AGBL4: variants seen among roughly 807,000 people sequenced by gnomAD.
AGBL4 encodes cytosolic carboxypeptidase 6.
In AGBL4, 58 loss-of-function variants were observed where a neutral mutation model predicts 66.4. That is an observed-to-expected ratio of 0.87 (90% confidence interval 0.71 to 1.09). The LOEUF (loss-of-function observed/expected upper bound fraction) is 1.09, where lower values mean the gene tolerates loss of function less well. Among genes scored for constraint, AGBL4 ranks in the 50% least tolerant of loss-of-function variants. AGBL4 has a pLI of 0.00. For synonymous variants in AGBL4, 234 were observed against 222.9 expected (o/e 1.05, Z -0.44); for missense variants, 579 against 631.0 (o/e 0.92, Z 0.88).
intron 3 of AGBL4, among the ~76,000 whole-genome samples, chr1:49,258,976 G>C (rs2148355111): frequency 6.6e-6 from 1 of 152,276 alleles, no homozygotes; most frequent in East Asian, 1.9e-4. Flanking sequence ...AACTCTACAA[G>C]CCAGAAGAGA....
chr1:49,216,904 T>C (rs1190641535), intron 4 of AGBL4, among the ~76,000 whole-genome samples: 2 of 152,148 alleles, frequency 1.3e-5, no homozygotes, highest in Admixed American at 6.6e-5. Flanking sequence ...CCACTTGCAA[T>C]AACCGTATGG....
At chr1:49,988,094 C>T (rs879346030) in intron 1 of AGBL4, among the ~76,000 whole-genome samples, 3 of 151,898 alleles carry the variant, frequency 2.0e-5, no homozygotes, top group Non-Finnish European at 2.9e-5. Context: ...ATTTAGCTTG[C>T]TTAAAACAGT....
At chr1:49,264,135 TAGAA>T (rs1320810647) in intron 3 of AGBL4, among the ~76,000 whole-genome samples, 1 of 152,066 alleles carries the variant, frequency 6.6e-6, no homozygotes, top group African/African-American at 2.4e-5. Flanking sequence ...TAACTTCTGA[TAGAA>T]AGAAAGAGGT....
In AGBL4 at chr1:48,736,034, C is replaced by T. The variant is rs1032676398; in HGVS notation, c.635-72793G>A. 3.9e-5 allele frequency among the ~76,000 whole-genome samples: 6 copies of T among 152,214 alleles called. No homozygotes were observed. Among genetic ancestry groups the T allele is most frequent in the Non-Finnish European group, 5.9e-5 (4 of 68,036 alleles). On this transcript the variant is annotated intron_variant, in intron 6 of 13. Coordinates refer to ENST00000371839, the MANE Select transcript of AGBL4 (RefSeq NM_032785.4). This position sits in a 1 kb window ranked among gnomAD's most constrained non-coding sequence, Gnocchi z 4.0. Reference sequence around the variant, plus strand: ...ATGCTAATTCCTTGTGGAATATAATCGTACTTGTGTCCACAGCTCATCTGC... The same window carrying T: ...ATGCTAATTCCTTGTGGAATATAATTGTACTTGTGTCCACAGCTCATCTGC...
intron 3 of AGBL4, among the ~76,000 whole-genome samples, chr1:49,302,600 ATT>A (rs1230921920): frequency 9.5e-5 from 12 of 126,206 alleles, no homozygotes; most frequent in South Asian, 2.6e-4. Flanking sequence ...TTTATATTTT[ATT>A]TTATTTTTTT....
chr1:48,797,124 A>G (rs758673596), intron 6 of AGBL4, among the ~76,000 whole-genome samples: 1 of 152,252 alleles, frequency 6.6e-6, no homozygotes, highest in Non-Finnish European at 1.5e-5. Context: ...CTTACTGAAT[A>G]TAGTAGTAAA....
chr1:49,232,003 G>C (rs535211276), intron 4 of AGBL4, among the ~76,000 whole-genome samples: 27 of 152,136 alleles, frequency 1.8e-4, no homozygotes, highest in Non-Finnish European at 2.8e-4. Flanking sequence ...ATTAAATGCA[G>C]TTTTGACTTC....
At position 49,362,338 on chromosome 1, in the gene AGBL4, G is replaced by C. The variant is rs1644154881; in HGVS notation, c.283-116474C>G. Among the ~76,000 whole-genome samples the C allele has an allele frequency of 2.7e-5, 4 of 149,346 alleles. No individual in the cohort carries two copies. In the South Asian group the frequency reaches 8.6e-4, roughly 32 times the overall value. ...CAAATTTATAATGCAGAAGCAAGAA[G>C]TAAGCATCAGTATCTATGTTCCCAT... On this transcript the variant is annotated intron_variant, in intron 3 of 13. Transcript: ENST00000371839.
chr1:49,110,710 A>G (rs1423537719), intron 4 of AGBL4, among the ~76,000 whole-genome samples: 1 of 151,804 alleles, frequency 6.6e-6, no homozygotes, highest in Non-Finnish European at 1.5e-5. Flanking sequence ...TTAGCAAACA[A>G]CCTTGACCCC....
chr1:49,277,954 T>A (rs1167777424), intron 3 of AGBL4, among the ~76,000 whole-genome samples: 1 of 152,178 alleles, frequency 6.6e-6, no homozygotes, highest in African/African-American at 2.4e-5. Flanking sequence ...TCTGTTTTGT[T>A]CTAAGTACTT....
At chr1:49,922,432 A>AT in intron 1 of AGBL4, among the ~76,000 whole-genome samples, 1 of 152,306 alleles carries the variant, frequency 6.6e-6, no homozygotes, top group African/African-American at 2.4e-5. Flanking sequence ...CCAATTCAAC[A>AT]TCGTATTTGA....
intron 5 of AGBL4, among the ~76,000 whole-genome samples, chr1:49,037,544 T>C (rs2149044612): frequency 6.6e-6 from 1 of 152,212 alleles, no homozygotes; most frequent in African/African-American, 2.4e-5. Context: ...CTTCCTATTT[T>C]TCTTAGGCTG....
intron 3 of AGBL4, among the ~76,000 whole-genome samples, chr1:49,532,257 T>C (rs769800031): frequency 6.6e-5 from 10 of 152,128 alleles, no homozygotes; most frequent in Admixed American, 3.3e-4. Context: ...TCCTGAAATA[T>C]AGAACATGCT....
At chr1:49,661,803 T>C (rs1646274618) in intron 3 of AGBL4, among the ~76,000 whole-genome samples, 1 of 152,052 alleles carries the variant, frequency 6.6e-6, no homozygotes, top group Admixed American at 6.6e-5. Flanking sequence ...AATATATCTA[T>C]CATGTAACCC....
intron 2 of AGBL4, among the ~76,000 whole-genome samples, chr1:49,794,465 CT>C (rs1364503226): frequency 2.0e-5 from 3 of 151,876 alleles, no homozygotes; most frequent in Non-Finnish European, 2.9e-5. Flanking sequence ...GAGGCAGTAA[CT>C]TGTCCAAAGT....
At chr1:49,794,705 T>C (rs931549900) in intron 2 of AGBL4, among the ~76,000 whole-genome samples, 1 of 152,006 alleles carries the variant, frequency 6.6e-6, no homozygotes, top group African/African-American at 2.4e-5. Context: ...TTCTTCTTTA[T>C]GTTTATAGAC....
intron 3 of AGBL4, chr1:49,268,257 C>G (rs1643969447): frequency 6.6e-6 from 1 of 152,074 alleles, no homozygotes. Context: ...GATGAAATAA[C>G]AGGTATATAC....
At chr1:49,135,179 T>C (rs947778572) in intron 4 of AGBL4, among the ~76,000 whole-genome samples, 1 of 152,236 alleles carries the variant, frequency 6.6e-6, no homozygotes, top group Middle Eastern at 3.4e-3. Context: ...AGGTATACAA[T>C]ATATGTATAT....
At chr1:48,918,094 C>T (rs999634888) in intron 5 of AGBL4, among the ~76,000 whole-genome samples, 5 of 152,176 alleles carry the variant, frequency 3.3e-5, no homozygotes, top group Non-Finnish European at 5.9e-5. Flanking sequence ...CAGATCAATG[C>T]GGACACTCAC....
Sources: allele counts gnomAD v4.1 joint callset (sites outside exome capture counted in the v4.1 genomes callset), GRCh38; gene constraint gnomAD v4.1.1; non-coding constraint Gnocchi (gnomAD v3.1); transcripts MANE v1.5; gene names NCBI Gene and HGNC (gene_info 2026-07-23, HGNC 2026-07-21).